Variants in DYNC2H1 observed in about 807,000 individuals in gnomAD.
DYNC2H1 encodes dynein cytoplasmic 2 heavy chain 1.
Under a neutral mutation model 570.0 loss-of-function variants are expected in DYNC2H1, and 410 were observed. The ratio of observed to expected loss-of-function variants is 0.72; its 90% CI spans 0.66 to 0.78. The LOEUF is 0.78. DYNC2H1 is among the 30% of genes least tolerant of loss of function. DYNC2H1 has a pLI of 0.00. For synonymous variants in DYNC2H1, 1,688 were observed against 1,677.6 expected (o/e 1.01, Z -0.15); for missense variants, 4,865 against 5,046.4 (o/e 0.96, Z 1.09).
Position 103,203,929 on chromosome 11 carries a change from A to G in DYNC2H1, c.8311+153A>G, listed in dbSNP as rs633030. Among the ~76,000 whole-genome samples, 141,654 of 152,258 alleles carry G rather than the reference A, an allele frequency of 0.93. 65,919 individuals are homozygous for G. Among genetic ancestry groups the G allele is most frequent in the African/African-American group, 0.94 (39,067 of 41,548 alleles). On this transcript the variant is annotated intron_variant, in intron 51 of 88. Coordinates refer to ENST00000375735, the MANE Select transcript of DYNC2H1 (RefSeq NM_001377.3). This position sits in a 1 kb window ranked among gnomAD's most constrained non-coding sequence, Gnocchi z 4.7. Reference sequence around the variant, plus strand: ...TAACACCTAACTAGTGGATAGGCTAACCTATAATAAAAACACCTGTATTAG... The same window carrying G: ...TAACACCTAACTAGTGGATAGGCTAGCCTATAATAAAAACACCTGTATTAG...
chr11:103,165,988 G>T lies in DYNC2H1; in HGVS notation c.4702G>T (p.Val1568Leu), dbSNP rs775329251. The T allele has an allele frequency of 1.0e-5, 16 of 1,530,958 alleles. No individual in the cohort carries two copies. In the South Asian group the frequency reaches 2.0e-4, roughly 19 times the overall value. The allele number at this position is 1,530,958 out of a possible 1,614,324, so 94.8% of individuals were successfully genotyped here. ...TCTTCATCAGATTGAAACACAACTG[G>T]TGAATAAGTTAGAGCAATATACTAA... ...HSLHQIETQL[V>L]NKLEQYTNID... The change falls in exon 31 of 89, where the codon GTG becomes TTG. Residue 1568 changes from valine (V) to leucine (L), a missense_variant. Transcript: ENST00000375735.
chr11:103,207,314 T>C (rs1004727627), intron 52 of DYNC2H1, among the ~76,000 whole-genome samples: 8 of 151,204 alleles, frequency 5.3e-5, no homozygotes, highest in Admixed American at 3.3e-4. Flanking sequence ...GCAAAAAATA[T>C]GTGATGCAAA....
At chr11:103,425,868 TCATTATATA>T (rs1191628022) in intron 84 of DYNC2H1, among the ~76,000 whole-genome samples, 1 of 151,922 alleles carries the variant, frequency 6.6e-6, no homozygotes, top group African/African-American at 2.4e-5. Context: ...TATATAAATT[TCATTATATA>T]CATAATTCTA....
At chr11:103,301,819 T>C (rs1449084314) in intron 75 of DYNC2H1, among the ~76,000 whole-genome samples, 1 of 152,014 alleles carries the variant, frequency 6.6e-6, no homozygotes, top group Non-Finnish European at 1.5e-5. Flanking sequence ...TTTATTATTC[T>C]TAATTCTTTA....
At chr11:103,406,359 G>C (rs1280048828) in intron 84 of DYNC2H1, 1 of 151,966 alleles carries the variant, frequency 6.6e-6, no homozygotes, top group Non-Finnish European at 1.5e-5. Context: ...TACTGAGATA[G>C]AATAAATTAG....
At chr11:103,255,341 G>T in intron 66 of DYNC2H1, 74 bp from the exon 67 acceptor site, 1 of 1,464,158 alleles carries the variant, frequency 6.8e-7, no homozygotes, top group Non-Finnish European at 9.1e-7. Context: ...CAAACACAAG[G>T]CCTGTTTGCA....
chr11:103,457,569 A>AAAATAATG (rs140486218), intron 87 of DYNC2H1, among the ~76,000 whole-genome samples: 37,155 of 147,746 alleles, frequency 0.25, 4,720 homozygotes, highest in East Asian at 0.35. Context: ...AAAAACTTAA[A>AAAATAATG]AAATAATGAT....
At chr11:103,135,038 G>C (rs1284668237) in intron 15 of DYNC2H1, among the ~76,000 whole-genome samples, 2 of 151,976 alleles carry the variant, frequency 1.3e-5, no homozygotes, top group African/African-American at 4.8e-5. Flanking sequence ...AAGCAAAAAA[G>C]TATGTAAATT....
chr11:103,150,362 GAAGCTTGT>G (rs1860476188), intron 20 of DYNC2H1, among the ~76,000 whole-genome samples: 1 of 152,038 alleles, frequency 6.6e-6, no homozygotes, highest in African/African-American at 2.4e-5. Flanking sequence ...AGAGATGATG[GAAGCTTGT>G]ATCATGTAGT....
At chr11:103,118,444 C>A (rs1485187292) in intron 6 of DYNC2H1, among the ~76,000 whole-genome samples, 1 of 151,726 alleles carries the variant, frequency 6.6e-6, no homozygotes, top group African/African-American at 2.4e-5. Flanking sequence ...CACGTATCCA[C>A]CATTCAATTT....
At chr11:103,355,785 C>T (rs922075594) in intron 82 of DYNC2H1, among the ~76,000 whole-genome samples, 2 of 152,140 alleles carry the variant, frequency 1.3e-5, no homozygotes, top group Non-Finnish European at 2.9e-5. Context: ...GATGATAGCA[C>T]ACTGCAGCTT....
chr11:103,363,896 G>T lies in DYNC2H1; in HGVS notation c.12156+5537G>T, dbSNP rs1012244077. 2.6e-5 allele frequency among the ~76,000 whole-genome samples: 4 copies of T among 152,090 alleles called. No homozygotes were observed. Among genetic ancestry groups the T allele is most frequent in the African/African-American group, 9.7e-5 (4 of 41,412 alleles). On this transcript the variant is annotated intron_variant, in intron 83 of 88. Coordinates refer to ENST00000375735, the MANE Select transcript of DYNC2H1 (RefSeq NM_001377.3). This position sits in a 1 kb window ranked among gnomAD's most constrained non-coding sequence, Gnocchi z 5.6. The stretch of plus-strand genomic sequence containing the variant: ...ACTATTTTATTTTCATGGAGCCAAG[G>T]ACTCACAAAAACTCATGACAGATAG...
chr11:103,402,946 G>A (rs527949225), intron 84 of DYNC2H1: 32 of 152,244 alleles, frequency 2.1e-4, no homozygotes, highest in African/African-American at 7.7e-4. Context: ...ATGTTCACAA[G>A]GGGATTGCTA....
In DYNC2H1 at chr11:103,181,897, CATA is replaced by C. The variant is rs1861864269; in HGVS notation, c.6477+15_6477+17del. ...TGGGTTCTAAAGCAGGTAAATTAAC[CATA>C]ATATTTCATAATTAATCGAGGTGAG... On this transcript the variant is annotated intron_variant, in intron 40 of 88. Transcript: ENST00000375735. The surrounding 1 kb of genome is among the most constrained non-coding windows in gnomAD (Gnocchi z 5.0). The C allele has an allele frequency of 1.3e-6, 2 of 1,595,690 alleles. No individual in the cohort carries two copies. The highest frequency in any genetic ancestry group is 2.7e-5 in the African/African-American group (2 of 74,158).
Position 103,211,683 on chromosome 11 carries a change from T to C in DYNC2H1, c.8540-106T>C, listed in dbSNP as rs72971518. The C allele has an allele frequency of 0.035, 16,623 of 475,252 alleles. 386 individuals are homozygous for C. Among genetic ancestry groups the C allele is most frequent in the Middle Eastern group, 0.051 (91 of 1,776 alleles). 29.4% of individuals were successfully genotyped at this position (475,252 alleles called of 1,614,324 possible). On this transcript the variant is annotated intron_variant, in intron 53 of 88. Coordinates refer to ENST00000375735, the MANE Select transcript of DYNC2H1 (RefSeq NM_001377.3). ...ATGCTATCTCATATTTATAACTATA[T>C]AGCATGGAAGTATCTTGTATAAAAT... is the stretch of plus-strand genomic sequence containing the variant.
At chr11:103,374,965 G>A (rs755469114) in intron 83 of DYNC2H1, among the ~76,000 whole-genome samples, 10 of 152,202 alleles carry the variant, frequency 6.6e-5, no homozygotes, top group African/African-American at 1.2e-4. Context: ...ATGTCAGAGA[G>A]ACCTTCATGG....
chr11:103,477,003 A>G (rs1945573090), intron 88 of DYNC2H1, among the ~76,000 whole-genome samples: 1 of 152,052 alleles, frequency 6.6e-6, no homozygotes. Flanking sequence ...AATAATACTT[A>G]TATCTGGAGC....
chr11:103,476,019 A>G (rs1455894321), intron 88 of DYNC2H1, among the ~76,000 whole-genome samples: 1 of 152,228 alleles, frequency 6.6e-6, no homozygotes, highest in African/African-American at 2.4e-5. Flanking sequence ...ATAGGCAATC[A>G]TAGATTCAGA....
chr11:103,235,448 CTAAA>C (rs531800718), intron 61 of DYNC2H1, among the ~76,000 whole-genome samples: 103 of 151,960 alleles, frequency 6.8e-4, no homozygotes, highest in Non-Finnish European at 4.1e-4. Context: ...CTTTCAATGA[CTAAA>C]TATGTTTGTT....
Sources: allele counts gnomAD v4.1 joint callset (sites outside exome capture counted in the v4.1 genomes callset), GRCh38; gene constraint gnomAD v4.1.1; non-coding constraint Gnocchi (gnomAD v3.1); transcripts MANE v1.5; gene names NCBI Gene and HGNC (gene_info 2026-07-23, HGNC 2026-07-21).